Variants in SYNPR observed in about 807,000 individuals in gnomAD.
The protein encoded by SYNPR is synaptoporin.
A neutral mutation model predicts 32.9 loss-of-function variants in SYNPR; 23 were observed. That is an observed-to-expected ratio of 0.70 (90% CI 0.50 to 0.99). The LOEUF (loss-of-function observed/expected upper bound fraction) is 0.99. Ranked by LOEUF, SYNPR falls within the 50% of genes least tolerant of loss-of-function variation. The pLI, the probability that SYNPR is intolerant of heterozygous loss-of-function variation, is 0.00. For missense variants in SYNPR, 318 were observed against 349.3 expected (o/e 0.91, Z 0.71); for synonymous variants, 146 against 135.9 (o/e 1.07, Z -0.52).
At chr3:63,270,238 C>T (rs1335607889) in intron 3 of SYNPR, among the ~76,000 whole-genome samples, 2 of 152,112 alleles carry the variant, frequency 1.3e-5, no homozygotes, top group African/African-American at 2.4e-5. Context: ...TCAGATAAAC[C>T]TATGGACCAC....
intron 2 of SYNPR, among the ~76,000 whole-genome samples, chr3:63,331,940 G>C (rs999629640): frequency 2.6e-5 from 4 of 152,186 alleles, no homozygotes; most frequent in African/African-American, 4.8e-5. Flanking sequence ...TAGTAGGCTA[G>C]ATGGGAAAAA....
intron 5 of SYNPR, among the ~76,000 whole-genome samples, chr3:63,610,897 T>C (rs965705726): frequency 1.3e-5 from 2 of 152,202 alleles, no homozygotes; most frequent in Non-Finnish European, 2.9e-5. Context: ...GTGATGTGTC[T>C]CCTAAAACCA....
chr3:63,607,750 T>A (rs976119635), intron 4 of SYNPR, among the ~76,000 whole-genome samples: 1 of 152,162 alleles, frequency 6.6e-6, no homozygotes, highest in East Asian at 1.9e-4. Context: ...CTACTCTTAG[T>A]AGTGAGACCC....
intron 2 of SYNPR, among the ~76,000 whole-genome samples, chr3:63,302,652 C>A (rs1188921665): frequency 2.4e-4 from 37 of 151,834 alleles, no homozygotes; most frequent in Non-Finnish European, 7.4e-5. Context: ...AAATAAGGCA[C>A]CAATAATATT....
intron 2 of SYNPR, among the ~76,000 whole-genome samples, chr3:63,294,075 C>A (rs1458290314): frequency 1.3e-5 from 2 of 152,028 alleles, no homozygotes; most frequent in Non-Finnish European, 1.5e-5. Flanking sequence ...ATTTTTTTCC[C>A]ATAATTTTAA....
intron 2 of SYNPR, among the ~76,000 whole-genome samples, chr3:63,479,594 A>G (rs1344865413): frequency 1.3e-5 from 2 of 152,010 alleles, no homozygotes; most frequent in Non-Finnish European, 2.9e-5. Context: ...CTTTTTTTCT[A>G]CCCTTGATTA....
intron 2 of SYNPR, chr3:63,443,073 G>T (rs1000061394): frequency 3.6e-5 from 37 of 1,028,502 alleles, no homozygotes; most frequent in East Asian, 8.6e-5. Context: ...CAGCCTGCTC[G>T]TGCAAAGCAG....
At chr3:63,515,206 C>G (rs1219374350) in intron 3 of SYNPR, among the ~76,000 whole-genome samples, 1 of 152,080 alleles carries the variant, frequency 6.6e-6, no homozygotes, top group African/African-American at 2.4e-5. Context: ...TTCAAAACAT[C>G]TGCGAGCTTA....
At chr3:63,276,275 A>C (rs1163388219), upstream of SYNPR, among the ~76,000 whole-genome samples, 1 of 152,200 alleles carries the variant, frequency 6.6e-6, no homozygotes, top group Non-Finnish European at 1.5e-5. Context: ...TGGGTCCAAA[A>C]GGGCAAGGAT....
intron 2 of SYNPR, among the ~76,000 whole-genome samples, chr3:63,262,030 A>T (rs896076580): frequency 2.0e-5 from 3 of 151,536 alleles, no homozygotes; most frequent in African/African-American, 7.3e-5. Context: ...AGTATAATAA[A>T]AAAAAAAACA....
intron 2 of SYNPR, among the ~76,000 whole-genome samples, chr3:63,285,454 A>C (rs2086672081): frequency 1.3e-5 from 2 of 152,324 alleles, no homozygotes; most frequent in East Asian, 3.9e-4. Context: ...CAGAAAATTT[A>C]TTTAAATCGT....
At chr3:63,597,134 A>T (rs1699973767) in intron 4 of SYNPR, among the ~76,000 whole-genome samples, 1 of 152,188 alleles carries the variant, frequency 6.6e-6, no homozygotes, top group African/African-American at 2.4e-5. Flanking sequence ...TTTAAAGCTT[A>T]AAATTACATA....
intron 2 of SYNPR, among the ~76,000 whole-genome samples, chr3:63,428,681 T>A (rs1699933193): frequency 6.6e-6 from 1 of 152,224 alleles, no homozygotes; most frequent in Non-Finnish European, 1.5e-5. Context: ...CTTGCTGACA[T>A]GTCTAGTGGT....
chr3:63,487,660 C>T (rs903055646), intron 3 of SYNPR, among the ~76,000 whole-genome samples: 6 of 152,118 alleles, frequency 3.9e-5, no homozygotes, highest in African/African-American at 7.2e-5. Flanking sequence ...TCTTGATTAA[C>T]GTGCTTTTAA....
At chr3:63,593,736 A>G (rs181140981) in intron 4 of SYNPR, among the ~76,000 whole-genome samples, 2 of 152,292 alleles carry the variant, frequency 1.3e-5, no homozygotes, top group Middle Eastern at 3.4e-3. Context: ...AGACCTTGTA[A>G]CAGAAGAACA....
chr3:63,494,223 G>A (rs1701313027), intron 3 of SYNPR, among the ~76,000 whole-genome samples: 2 of 150,906 alleles, frequency 1.3e-5, no homozygotes, highest in South Asian at 4.2e-4. Flanking sequence ...AAAGCAAATG[G>A]TAATTTAAAT....
intron 1 of SYNPR, among the ~76,000 whole-genome samples, chr3:63,231,772 T>C (rs1036566874): frequency 1.3e-5 from 2 of 152,162 alleles, no homozygotes; most frequent in African/African-American, 4.8e-5. Context: ...AGCCATTCAG[T>C]GAAACAAATG....
intron 3 of SYNPR, among the ~76,000 whole-genome samples, chr3:63,525,648 C>T (rs950409589): frequency 3.3e-5 from 5 of 152,134 alleles, no homozygotes; most frequent in East Asian, 3.9e-4. Context: ...GGCATTTCTA[C>T]GATGTGCTAG....
At chr3:63,511,328 T>G (rs9833814) in intron 3 of SYNPR, among the ~76,000 whole-genome samples, 107,649 of 152,024 alleles carry the variant, frequency 0.71, 39,395 homozygotes, top group African/African-American at 0.91. Flanking sequence ...CCAGCATAGT[T>G]TGCCCCACTG....
Sources: gnomAD v4.1 joint callset for allele counts (sites outside exome capture counted in the v4.1 genomes callset) on GRCh38, gnomAD v4.1.1 for gene constraint, MANE v1.5 for transcripts, NCBI Gene and HGNC (gene_info 2026-07-23, HGNC 2026-07-21) for gene names.